TEC: variants seen among roughly 807,000 people sequenced by gnomAD.
TEC encodes tec protein tyrosine kinase, also known as tyrosine-protein kinase Tec.
TEC carries 72 observed loss-of-function variants against 93.0 expected under a neutral mutation model. The observed-to-expected ratio is 0.77, with a 90% confidence interval of 0.64 to 0.94. The LOEUF (loss-of-function observed/expected upper bound fraction) is 0.94, where lower values mean the gene tolerates loss of function less well. Ranked by LOEUF, TEC falls within the 40% of genes least tolerant of loss-of-function variation. The pLI, the probability that TEC is intolerant of heterozygous loss-of-function variation, is 0.00. For missense variants in TEC, 630 were observed against 757.9 expected, an observed-to-expected ratio of 0.83 and a Z score of 1.98; for synonymous variants, 249 against 247.7, an observed-to-expected ratio of 1.01 and a Z score of -0.05.
intron 6 of TEC, among the ~76,000 whole-genome samples, 170 bp from the exon 7 acceptor site, chr4:48,168,123 A>T (rs1488336084): frequency 1.3e-5 from 2 of 152,154 alleles, no homozygotes; most frequent in Non-Finnish European, 2.9e-5. Flanking sequence ...CCTGTTTCAT[A>T]ACTAAGGTAA....
chr4:48,150,946 A>C lies in TEC; in HGVS notation c.793-4T>G, dbSNP rs1008324568. 1 of 1,573,104 alleles carries C rather than the reference A, an allele frequency of 6.4e-7. No individual in the cohort carries two copies. Among genetic ancestry groups the C allele is most frequent in the Admixed American group, 1.9e-5 (1 of 53,906 alleles). On this transcript the variant is annotated splice_region_variant and splice_polypyrimidine_tract_variant and intron_variant, in intron 9 of 17. Transcript: ENST00000381501. ...CCATAAAACCACCTTCTTTATCCTA[A>C]AATCCAAGTTCAGAAAAAATTTTTT... is the stretch of plus-strand genomic sequence containing the variant.
intron 7 of TEC, among the ~76,000 whole-genome samples, chr4:48,167,134 T>G (rs1320613564): frequency 1.3e-5 from 2 of 152,144 alleles, no homozygotes; most frequent in Non-Finnish European, 2.9e-5. Flanking sequence ...TGCCCATATA[T>G]TTATCAATGA....
chr4:48,141,102 C>A (rs1421934474), intron 15 of TEC, among the ~76,000 whole-genome samples: 1 of 152,112 alleles, frequency 6.6e-6, no homozygotes, highest in African/African-American at 2.4e-5. Flanking sequence ...CTAAGAACCT[C>A]ACCACCAAAT....
chr4:48,198,719 G>A (rs1509656), intron 2 of TEC, among the ~76,000 whole-genome samples: 8,990 of 152,036 alleles, frequency 0.059, 886 homozygotes, highest in African/African-American at 0.2. Context: ...AAAGGCCCCA[G>A]CTGGAAAAAC....
chr4:48,264,395 T>C (rs1415962949), intron 1 of TEC, among the ~76,000 whole-genome samples: 4 of 152,194 alleles, frequency 2.6e-5, no homozygotes, highest in Non-Finnish European at 5.9e-5. Context: ...AGGGGGTCCG[T>C]ACACAAACAG....
chr4:48,237,896 A>C (rs1358430358), intron 1 of TEC, among the ~76,000 whole-genome samples: 2 of 152,238 alleles, frequency 1.3e-5, no homozygotes, highest in African/African-American at 4.8e-5. Context: ...AAATTTGTGC[A>C]AATAAACATC....
chr4:48,141,236 A>T (rs1719648254), intron 15 of TEC, 119 bp downstream of exon 15: 1 of 845,752 alleles, frequency 1.2e-6, no homozygotes, highest in South Asian at 1.5e-5. Context: ...ACTTAATTTA[A>T]TCTGAGAACC....
intron 2 of TEC, among the ~76,000 whole-genome samples, chr4:48,199,673 T>G (rs961938540): frequency 6.6e-6 from 1 of 152,030 alleles, no homozygotes; most frequent in Non-Finnish European, 1.5e-5. Context: ...TTCACCACAC[T>G]GGCCAGGGTG....
At chr4:48,188,767 G>T (rs1479111846) in intron 2 of TEC, among the ~76,000 whole-genome samples, 1 of 152,126 alleles carries the variant, frequency 6.6e-6, no homozygotes, top group Non-Finnish European at 1.5e-5. Context: ...ATACATGCAG[G>T]ACTAAAAGGA....
intron 2 of TEC, among the ~76,000 whole-genome samples, chr4:48,188,339 G>A (rs1369117929): frequency 1.3e-5 from 2 of 152,138 alleles, no homozygotes; most frequent in African/African-American, 4.8e-5. Context: ...TCTAGATTAA[G>A]AGTACTCCAC....
chr4:48,254,815 G>A (rs1270158677), intron 1 of TEC, among the ~76,000 whole-genome samples: 1 of 152,228 alleles, frequency 6.6e-6, no homozygotes, highest in Non-Finnish European at 1.5e-5. Flanking sequence ...GCAGGATGGA[G>A]GGGCGGGGGC....
intron 2 of TEC, among the ~76,000 whole-genome samples, chr4:48,210,527 G>A (rs1388796169): frequency 1.4e-5 from 2 of 146,730 alleles, no homozygotes; most frequent in Non-Finnish European, 3.0e-5. Context: ...ATGATGAGGA[G>A]GAGGAGGAGG....
At chr4:48,252,266 G>A (rs1447278937) in intron 1 of TEC, among the ~76,000 whole-genome samples, 3 of 152,186 alleles carry the variant, frequency 2.0e-5, no homozygotes, top group African/African-American at 7.2e-5. Context: ...TAATTACTCA[G>A]CATTAGTGAT....
chr4:48,266,443 T>C (rs1212833891), intron 1 of TEC, among the ~76,000 whole-genome samples: 1 of 152,150 alleles, frequency 6.6e-6, no homozygotes, highest in African/African-American at 2.4e-5. Flanking sequence ...ACAAAATACC[T>C]GGTCAATTGA....
At chr4:48,223,219 C>A (rs1185601914) in intron 2 of TEC, among the ~76,000 whole-genome samples, 1 of 152,056 alleles carries the variant, frequency 6.6e-6, no homozygotes, top group Non-Finnish European at 1.5e-5. Context: ...AGATCCAGGA[C>A]AAAAACCCTC....
At chr4:48,156,466 C>G (rs1443078581) in intron 9 of TEC, among the ~76,000 whole-genome samples, 1 of 152,194 alleles carries the variant, frequency 6.6e-6, no homozygotes, top group East Asian at 1.9e-4. Context: ...ATGATTACTT[C>G]TGTTTGTAAG....
At chr4:48,154,724 G>C (rs1228947063) in intron 9 of TEC, among the ~76,000 whole-genome samples, 2 of 152,150 alleles carry the variant, frequency 1.3e-5, no homozygotes, top group South Asian at 2.1e-4. Flanking sequence ...ACTTGTCCCA[G>C]CAGGGAGGAA....
chr4:48,246,934 CATT>C (rs1194640089), intron 1 of TEC, among the ~76,000 whole-genome samples: 1 of 151,988 alleles, frequency 6.6e-6, no homozygotes. Context: ...TTTTGCGTGA[CATT>C]ATTGAAGAAG....
chr4:48,149,381 A>C (rs1297990143), intron 11 of TEC, among the ~76,000 whole-genome samples, 176 bp downstream of exon 11: 1 of 152,172 alleles, frequency 6.6e-6, no homozygotes, highest in Non-Finnish European at 1.5e-5. Context: ...ATAAAACTTG[A>C]TATTATTTCT....
Sources: gnomAD v4.1 joint callset for allele counts (sites outside exome capture counted in the v4.1 genomes callset) on GRCh38, gnomAD v4.1.1 for gene constraint, MANE v1.5 for transcripts, NCBI Gene and HGNC (gene_info 2026-07-23, HGNC 2026-07-21) for gene names.